DCLRE1C: variants seen among roughly 807,000 people sequenced by gnomAD.
DCLRE1C encodes protein artemis.
Under a neutral mutation model 61.4 loss-of-function variants are expected in DCLRE1C, and 47 were observed. The ratio of observed to expected loss-of-function variants is 0.77; its 90% confidence interval spans 0.61 to 0.98. The LOEUF (loss-of-function observed/expected upper bound fraction) is 0.98. Among genes scored for constraint, DCLRE1C ranks in the 50% least tolerant of loss-of-function variants. The pLI is 0.00. For synonymous variants in DCLRE1C, 337 were observed against 287.6 expected (o/e 1.17, Z -1.74); for missense variants, 858 against 816.0 (o/e 1.05, Z -0.63).
At chr10:14,899,961 T>C (rs1214316227), downstream of DCLRE1C, among the ~76,000 whole-genome samples, 1 of 152,220 alleles carries the variant, frequency 6.6e-6, no homozygotes, top group African/African-American at 2.4e-5. Flanking sequence ...GTACGGTAGG[T>C]ATTACTTTCA....
intron 9 of DCLRE1C, among the ~76,000 whole-genome samples, chr10:14,931,080 T>C (rs898252155): frequency 2.1e-4 from 32 of 152,222 alleles, no homozygotes; most frequent in African/African-American, 7.5e-4. Flanking sequence ...CTTTAAAAAT[T>C]ACACAGGATT....
At chr10:14,919,900 G>A (rs924974865) in intron 12 of DCLRE1C, 68 bp from the exon 13 acceptor site, 5 of 1,273,344 alleles carry the variant, frequency 3.9e-6, no homozygotes, top group Non-Finnish European at 4.6e-6. Flanking sequence ...ATCATTGATA[G>A]TATTACAAAT....
chr10:14,905,463 C>G lies in DCLRE1C; in HGVS notation c.*2945G>C, dbSNP rs561094900. On this transcript the variant is annotated 3_prime_UTR_variant, in exon 14 of 14. Coordinates refer to ENST00000378278, the MANE Select transcript of DCLRE1C (RefSeq NM_001033855.3). ...GCCTTTTATATGTATTCATGTGCTT[C>G]TAATGAACCTGTCAGGTTGGTGTAA... Among the ~76,000 whole-genome samples, 96 of 152,328 alleles carry G rather than the reference C, an allele frequency of 6.3e-4. No individual in the cohort carries two copies. Among genetic ancestry groups the G allele is most frequent in the African/African-American group, 2.3e-3 (94 of 41,570 alleles).
Position 14,934,461 on chromosome 10 carries a change from G to T in DCLRE1C, c.597C>A (p.Tyr199Ter), listed in dbSNP as rs121908157. The change falls in exon 8 of 14, where the codon TAC becomes TAA. Residue 199 changes from tyrosine (Y) to a stop codon, truncating the protein, a stop_gained. Coordinates refer to ENST00000378278, the MANE Select transcript of DCLRE1C (RefSeq NM_001033855.3). LOFTEE classifies it high-confidence loss of function. ...LVRSWITRSP[Y>*]HVVWLNCKAA... ...CTTTGCAGTTCAGCCACACAACATG[G>T]TACGGGCTCCGAGTGATCCAGCTTC... 1.2e-6 allele frequency: 2 copies of T among 1,614,170 alleles called. No individual in the cohort carries two copies. The highest frequency in any genetic ancestry group is 1.7e-6 in the Non-Finnish European group (2 of 1,180,036).
intron 13 of DCLRE1C, among the ~76,000 whole-genome samples, chr10:14,912,799 C>G (rs191050000): frequency 6.6e-6 from 1 of 152,204 alleles, no homozygotes; most frequent in Non-Finnish European, 1.5e-5. Flanking sequence ...ATTCTGCCTC[C>G]GCTGCCCTAA....
intron 8 of DCLRE1C, among the ~76,000 whole-genome samples, chr10:14,933,578 AGTGAACT>A (rs1266274093): frequency 6.6e-6 from 1 of 152,172 alleles, no homozygotes; most frequent in Non-Finnish European, 1.5e-5. Flanking sequence ...CAGAGGTTGC[AGTGAACT>A]GAGACCGTGC....
chr10:14,943,932 A>G (rs578078776), intron 3 of DCLRE1C, among the ~76,000 whole-genome samples: 1 of 152,144 alleles, frequency 6.6e-6, no homozygotes, highest in African/African-American at 2.4e-5. Flanking sequence ...ATAGTCATAT[A>G]TAATTGGACT....
intron 12 of DCLRE1C, chr10:14,920,315 A>T: frequency 1.1e-6 from 1 of 915,050 alleles, no homozygotes; most frequent in Non-Finnish European, 1.3e-6. Context: ...CCTTAGGCTG[A>T]AAGCTAAGAC....
chr10:14,919,429 C>A (rs1392359877), intron 13 of DCLRE1C, among the ~76,000 whole-genome samples: 1 of 151,908 alleles, frequency 6.6e-6, no homozygotes, highest in African/African-American at 2.4e-5. Context: ...AGAAAATGTT[C>A]AAGGATAACA....
rs1443020418 is a variant in DCLRE1C at position 14,936,560 on chromosome 10, C to T, written c.340G>A (p.Gly114Ser). ...EEIVVTLLPA[G>S]HCPGSVMFLF... ...TACATAACTGATCCCGGACAGTGAC[C>T]AGCTGGTAAGAGAGTCACAACAATC... Residue 114 changes from glycine (G) to serine (S), a missense_variant, in exon 5 of 14, where the codon GGT becomes AGT. Gly to Ser is a moderately conservative substitution (Grantham distance 56). Around this residue, in one of 2 missense-constraint regions of DCLRE1C, gnomAD observed 843 missense variants for 783.5 expected, o/e 1.08. Coordinates refer to ENST00000378278, the MANE Select transcript of DCLRE1C (RefSeq NM_001033855.3). 3.7e-6 allele frequency: 6 copies of T among 1,613,216 alleles called. No individual in the cohort carries two copies. The highest frequency in any genetic ancestry group is 3.3e-5 in the Admixed American group (2 of 59,982).
chr10:14,928,537 G>A (rs528221204), intron 9 of DCLRE1C, among the ~76,000 whole-genome samples: 2 of 152,264 alleles, frequency 1.3e-5, no homozygotes, highest in South Asian at 4.2e-4. Flanking sequence ...ATCTGAACAC[G>A]GACTGTGTAA....
chr10:14,932,772 G>A, intron 9 of DCLRE1C, 82 bp downstream of exon 9: 2 of 1,500,234 alleles, frequency 1.3e-6, no homozygotes, highest in South Asian at 2.3e-5. Context: ...GTAAAGCGAA[G>A]AGCCTATAAA....
Position 14,905,548 on chromosome 10 carries a change from T to C in DCLRE1C, c.*2860A>G, listed in dbSNP as rs989015482. 1.3e-5 allele frequency among the ~76,000 whole-genome samples: 2 copies of C among 152,242 alleles called. No homozygotes were observed. The highest frequency in any genetic ancestry group is 6.5e-5 in the Admixed American group (1 of 15,288). The stretch of plus-strand genomic sequence containing the variant: ...ATGCCAAGATCACCCAGTGAACTTT[T>C]TAAAGTATTTAATCTTCGGCTTCAG... On this transcript the variant is annotated 3_prime_UTR_variant, in exon 14 of 14. Transcript: ENST00000378278.
Position 14,935,439 on chromosome 10 carries a change from T to TAAAAC in DCLRE1C, c.464+19_464+23dup. On this transcript the variant is annotated intron_variant, in intron 6 of 13. Transcript: ENST00000378278. The stretch of plus-strand genomic sequence containing the variant: ...TTCACAAAAATAAAATAAAATAAAA[T>TAAAAC]AAAACCTATACGAGGCCCAGTACCT... 5 of 1,604,638 alleles carry TAAAAC rather than the reference T, an allele frequency of 3.1e-6. No homozygotes were observed. In the South Asian group the frequency reaches 5.5e-5, roughly 18 times the overall value.
At chr10:14,951,725 G>C (rs1009814860) in intron 1 of DCLRE1C, among the ~76,000 whole-genome samples, 3 of 152,142 alleles carry the variant, frequency 2.0e-5, no homozygotes, top group African/African-American at 7.2e-5. Context: ...CATGAGGACA[G>C]AGCGCCCTCT....
intron 9 of DCLRE1C, among the ~76,000 whole-genome samples, chr10:14,930,112 T>C (rs1838715984): frequency 6.6e-6 from 1 of 151,936 alleles, no homozygotes; most frequent in Admixed American, 6.6e-5. Context: ...AAAAGGTGTA[T>C]GTTTTATTTA....
At chr10:14,937,960 A>C (rs1294349399) in intron 4 of DCLRE1C, among the ~76,000 whole-genome samples, 1 of 151,626 alleles carries the variant, frequency 6.6e-6, no homozygotes, top group Non-Finnish European at 1.5e-5. Context: ...CACACTGCAC[A>C]TCATACTGTT....
In DCLRE1C at chr10:14,944,680, T is replaced by TC. The variant is rs1427435793; in HGVS notation, c.246+424_246+425insG. On this transcript the variant is annotated intron_variant, in intron 3 of 13. Transcript: ENST00000378278. ...AGACTTAATTTTTTTTTTCTTTTTTTTTTTTTTTTTTTTAGATGGAGTCCC... is the reference window on the plus strand; with the variant it reads ...AGACTTAATTTTTTTTTTCTTTTTTTCTTTTTTTTTTTTTAGATGGAGTCCC... 2.0e-4 allele frequency among the ~76,000 whole-genome samples: 30 copies of TC among 146,950 alleles called. 1 individual carries two copies. Among genetic ancestry groups the TC allele is most frequent in the Admixed American group, 2.0e-3 (30 of 14,814 alleles).
intron 11 of DCLRE1C, among the ~76,000 whole-genome samples, chr10:14,925,387 TTAAAA>T (rs1164704399): frequency 2.6e-5 from 4 of 152,154 alleles, no homozygotes; most frequent in Non-Finnish European, 5.9e-5. Context: ...AATGCCTGCC[TTAAAA>T]TAAGGCATCA....
Sources: gnomAD v4.1 joint callset for allele counts (sites outside exome capture counted in the v4.1 genomes callset) on GRCh38, gnomAD v4.1.1 for gene constraint, gnomAD v4.1.1 regional missense constraint, MANE v1.5 for transcripts, NCBI Gene and HGNC (gene_info 2026-07-23, HGNC 2026-07-21) for gene names.